Variants in FUT8 observed in about 807,000 individuals in gnomAD.
FUT8 encodes alpha-(1,6)-fucosyltransferase.
Under a neutral mutation model 71.3 loss-of-function variants are expected in FUT8, and 29 were observed. That is an observed-to-expected ratio of 0.41 (90% CI 0.30 to 0.55). The LOEUF (loss-of-function observed/expected upper bound fraction) is 0.55. Among genes scored for constraint, FUT8 ranks in the 20% least tolerant of loss-of-function variants. The pLI, the probability that FUT8 is intolerant of heterozygous loss-of-function variation, is 0.34. For synonymous variants in FUT8, 254 were observed against 239.3 expected (o/e 1.06, Z -0.57); for missense variants, 544 against 702.1 (o/e 0.77, Z 2.55).
chr14:65,594,809 A>G (rs1436192459), intron 3 of FUT8, among the ~76,000 whole-genome samples: 1 of 152,010 alleles, frequency 6.6e-6, no homozygotes, highest in Non-Finnish European at 1.5e-5. Context: ...CTCTGAAGTT[A>G]AGTCCTCTCT....
intron 9 of FUT8, among the ~76,000 whole-genome samples, chr14:65,727,890 C>T (rs1003392270): frequency 1.3e-5 from 2 of 152,162 alleles, no homozygotes; most frequent in Non-Finnish European, 2.9e-5. Context: ...ATTTCTTCCG[C>T]CAGATACCCT....
At chr14:65,492,519 C>T (rs977023114) in intron 2 of FUT8, among the ~76,000 whole-genome samples, 1 of 152,162 alleles carries the variant, frequency 6.6e-6, no homozygotes, top group African/African-American at 2.4e-5. Flanking sequence ...CATCACTTTC[C>T]TTTTTCTGTC....
chr14:65,492,088 A>G (rs988470610), intron 2 of FUT8, among the ~76,000 whole-genome samples: 2 of 152,216 alleles, frequency 1.3e-5, no homozygotes, highest in African/African-American at 4.8e-5. Flanking sequence ...CTTAGCAAAA[A>G]ATGAGATTAT....
In FUT8 at chr14:65,413,368, TG is replaced by T. The variant is rs2065167935; in HGVS notation, c.-326+158del. On this transcript the variant is annotated intron_variant, in intron 1 of 10. Transcript: ENST00000673929. This position sits in a 1 kb window ranked among gnomAD's most constrained non-coding sequence, Gnocchi z 4.1. ...GGTTAACCAGCGGCTCTCGGAAAAG[TG>T]GGGAGGGAGCCCCCGGGACGCTCTG... is the stretch of plus-strand genomic sequence containing the variant. Among the ~76,000 whole-genome samples, 1 of 151,904 alleles carries T rather than the reference TG, an allele frequency of 6.6e-6. No homozygotes were observed. Among genetic ancestry groups the T allele is most frequent in the South Asian group, 2.1e-4 (1 of 4,810 alleles).
At chr14:65,634,795 TCTTG>T (rs1890454090) in intron 6 of FUT8, among the ~76,000 whole-genome samples, 1 of 152,314 alleles carries the variant, frequency 6.6e-6, no homozygotes, top group Non-Finnish European at 1.5e-5. Context: ...TTTTGCTTAG[TCTTG>T]CTTTGACTAT....
intron 7 of FUT8, among the ~76,000 whole-genome samples, chr14:65,707,561 G>T (rs1046633511): frequency 1.3e-5 from 2 of 151,894 alleles, no homozygotes; most frequent in Non-Finnish European, 2.9e-5. Context: ...CCAAGAAATT[G>T]TTGCCCACAC....
At chr14:65,480,852 AT>A (rs951114945) in intron 2 of FUT8, among the ~76,000 whole-genome samples, 27 of 150,690 alleles carry the variant, frequency 1.8e-4, no homozygotes, top group Admixed American at 6.6e-5. Context: ...ACACTGGCTA[AT>A]TTTTTTTTGT....
intron 7 of FUT8, among the ~76,000 whole-genome samples, chr14:65,709,687 G>A (rs1894722842): frequency 6.6e-6 from 1 of 152,086 alleles, no homozygotes; most frequent in African/African-American, 2.4e-5. Context: ...AAAAAGTACA[G>A]AAATGCTTTT....
At chr14:65,530,049 A>G (rs151024962) in intron 2 of FUT8, among the ~76,000 whole-genome samples, 2,213 of 152,274 alleles carry the variant, frequency 0.015, 29 homozygotes, top group Non-Finnish European at 0.025. Flanking sequence ...ATGCACATGT[A>G]GATTAGTATT....
chr14:65,458,930 AGATGT>A (rs2065933925), intron 2 of FUT8, among the ~76,000 whole-genome samples: 1 of 151,922 alleles, frequency 6.6e-6, no homozygotes, highest in Non-Finnish European at 1.5e-5. Flanking sequence ...CTGGGATTAC[AGATGT>A]GTGTCACCAT....
chr14:65,477,522 A>C lies in FUT8; in HGVS notation c.-228+21804A>C, dbSNP rs1199367922. Among the ~76,000 whole-genome samples, 4 of 152,308 alleles carry C rather than the reference A, an allele frequency of 2.6e-5. No individual in the cohort carries two copies. In the East Asian group the frequency reaches 7.7e-4, roughly 29 times the overall value. The stretch of plus-strand genomic sequence containing the variant: ...AAGTCAGTCAATTCTATTTTTATAC[A>C]GATATTTCTATATAGAGGAGATTTC... On this transcript the variant is annotated intron_variant, in intron 2 of 10. Transcript: ENST00000673929.
chr14:65,397,128 G>A, the FUT8 span, among the ~76,000 whole-genome samples: 26 of 152,192 alleles, frequency 1.7e-4, no homozygotes, highest in Non-Finnish European at 2.6e-4. This position sits in a 1 kb window ranked among gnomAD's most constrained non-coding sequence, Gnocchi z 4.2. Context: ...AATATGTAGC[G>A]TCTAAGATCA....
the FUT8 span, among the ~76,000 whole-genome samples, chr14:65,374,175 CTGTT>C: frequency 6.5e-3 from 992 of 152,242 alleles, 12 homozygotes; most frequent in East Asian, 0.036. Flanking sequence ...GTCTAATGCT[CTGTT>C]TGTCTTTGTG....
At chr14:65,460,381 G>C (rs559663626) in intron 2 of FUT8, among the ~76,000 whole-genome samples, 1 of 152,308 alleles carries the variant, frequency 6.6e-6, no homozygotes, top group East Asian at 1.9e-4. Context: ...AGGGAAAAAG[G>C]TTGGGCATAT....
intron 7 of FUT8, among the ~76,000 whole-genome samples, chr14:65,681,528 G>T (rs2064694): frequency 0.35 from 53,802 of 152,056 alleles, 11,809 homozygotes; most frequent in Non-Finnish European, 0.5. Flanking sequence ...AGACTTTAAA[G>T]ATTTTTATTT....
chr14:65,553,239 A>G (rs1885389160), intron 2 of FUT8, among the ~76,000 whole-genome samples: 2 of 152,150 alleles, frequency 1.3e-5, no homozygotes, highest in African/African-American at 4.8e-5. Flanking sequence ...GGATCTTTAT[A>G]TATATGTATA....
rs531852476 is a variant in FUT8 at position 65,610,853 on chromosome 14, A to T, written c.204-5125A>T. 3.9e-5 allele frequency among the ~76,000 whole-genome samples: 6 copies of T among 152,040 alleles called. No individual in the cohort carries two copies. The South Asian group carries it at 1.3e-3, about 32-fold the overall frequency. On this transcript the variant is annotated intron_variant, in intron 3 of 10. Coordinates refer to ENST00000673929, the MANE Select transcript of FUT8 (RefSeq NM_001371533.1). The stretch of plus-strand genomic sequence containing the variant: ...AATGCTAAGCCAATCTTGGATTTCT[A>T]GGATAAACCTTGGTTAACCATGATT...
In FUT8 at chr14:65,603,848, G is replaced by A. The variant is rs565241691; in HGVS notation, c.204-12130G>A. 1.3e-5 allele frequency among the ~76,000 whole-genome samples: 2 copies of A among 151,890 alleles called. No individual in the cohort carries two copies. Among genetic ancestry groups the A allele is most frequent in the Non-Finnish European group, 2.9e-5 (2 of 67,872 alleles). On this transcript the variant is annotated intron_variant, in intron 3 of 10. Transcript: ENST00000673929. The surrounding 1 kb of genome is among the most constrained non-coding windows in gnomAD (Gnocchi z 4.5). ...GAATGGATTCGAATTCACAAACCAAGCATCTGCTGCCTTCACCTAAAACAT... is the reference window on the plus strand; with the variant it reads ...GAATGGATTCGAATTCACAAACCAAACATCTGCTGCCTTCACCTAAAACAT...
intron 3 of FUT8, among the ~76,000 whole-genome samples, chr14:65,602,469 T>C (rs563064567): frequency 4.7e-5 from 7 of 150,244 alleles, no homozygotes; most frequent in African/African-American, 1.5e-4. Flanking sequence ...CGAATTGTGC[T>C]GCTATAAACA....
Sources: gnomAD v4.1 joint callset for allele counts (sites outside exome capture counted in the v4.1 genomes callset) on GRCh38, gnomAD v4.1.1 for gene constraint, Gnocchi (gnomAD v3.1) non-coding constraint, MANE v1.5 for transcripts, NCBI Gene and HGNC (gene_info 2026-07-23, HGNC 2026-07-21) for gene names.